The following LAMA3 variants were observed in gnomAD, a reference collection of about 807,000 sequenced individuals.
The protein encoded by LAMA3 is laminin subunit alpha-3.
A neutral mutation model predicts 402.0 loss-of-function variants in LAMA3; 281 were observed. The ratio of observed to expected loss-of-function variants is 0.70; its 90% confidence interval spans 0.63 to 0.77. The LOEUF (loss-of-function observed/expected upper bound fraction) is 0.77. Ranked by LOEUF, LAMA3 falls within the 30% of genes least tolerant of loss-of-function variation. The pLI is 0.00. For synonymous variants in LAMA3, 1,431 were observed against 1,558.4 expected (o/e 0.92, Z 1.93); for missense variants, 3,840 against 4,215.5 (o/e 0.91, Z 2.47).
At chr18:23,719,901 A>T (rs1363353558) in intron 2 of LAMA3, among the ~76,000 whole-genome samples, 3 of 152,182 alleles carry the variant, frequency 2.0e-5, no homozygotes, top group Non-Finnish European at 4.4e-5. Flanking sequence ...CCAATCCAGA[A>T]GGTGGATGGC....
intron 70 of LAMA3, among the ~76,000 whole-genome samples, chr18:23,948,644 A>G (rs1006113983): frequency 1.7e-4 from 25 of 150,646 alleles, no homozygotes; most frequent in East Asian, 5.8e-4. Flanking sequence ...ATCTCGGCTC[A>G]CTGCAACCTC....
chr18:23,842,795 G>T (rs1234982183), intron 29 of LAMA3, 45 bp downstream of exon 29: 1 of 1,612,834 alleles, frequency 6.2e-7, no homozygotes, highest in Non-Finnish European at 8.5e-7. Context: ...ATGCCTGCCT[G>T]GCTGGCCATT....
chr18:23,848,528 C>T (rs1027596955), intron 32 of LAMA3, among the ~76,000 whole-genome samples: 1 of 152,128 alleles, frequency 6.6e-6, no homozygotes, highest in Non-Finnish European at 1.5e-5. Flanking sequence ...AGAGGCCAGG[C>T]CAGGATGGCA....
intron 35 of LAMA3, among the ~76,000 whole-genome samples, chr18:23,863,488 T>G (rs2064276686): frequency 6.6e-6 from 1 of 152,112 alleles, no homozygotes; most frequent in Non-Finnish European, 1.5e-5. Flanking sequence ...AAGCCCCACC[T>G]CTTGAAGGCA....
At chr18:23,953,203 G>A in intron 74 of LAMA3, 94 bp downstream of exon 74, 1 of 1,523,460 alleles carries the variant, frequency 6.6e-7, no homozygotes, top group East Asian at 2.3e-5. Flanking sequence ...TGGCTGGACA[G>A]TGGAGATGGT....
At chr18:23,947,303 A>AC in intron 70 of LAMA3, among the ~76,000 whole-genome samples, 1 of 151,652 alleles carries the variant, frequency 6.6e-6, no homozygotes, top group South Asian at 2.1e-4. Context: ...CTTTCCCCCC[A>AC]CCCCACAAAG....
Position 23,836,106 on chromosome 18 carries a change from TACACACAC to T in LAMA3, c.2985-846_2985-839del, listed in dbSNP as rs10569981. On this transcript the variant is annotated intron_variant, in intron 24 of 74. Transcript: ENST00000313654. Reference sequence around the variant, plus strand: ...ATCCAAAAGAATGTGTTTTAATGGATACACACACACACACACACACACACACACACACA... The same window carrying T: ...ATCCAAAAGAATGTGTTTTAATGGATACACACACACACACACACACACACA... Among the ~76,000 whole-genome samples, 929 of 147,816 alleles carry T rather than the reference TACACACAC, an allele frequency of 6.3e-3. 5 individuals carry two copies. The highest frequency in any genetic ancestry group is 0.018 in the African/African-American group (723 of 39,952).
At chr18:23,904,763 GTGGGC>G in intron 51 of LAMA3, 69 bp downstream of exon 51, 1 of 1,491,614 alleles carries the variant, frequency 6.7e-7, no homozygotes, top group East Asian at 2.3e-5. Context: ...TTTTCTTTCC[GTGGGC>G]TCCAAGGAAT....
chr18:23,858,166 C>A (rs2064129414), intron 33 of LAMA3, among the ~76,000 whole-genome samples, 178 bp downstream of exon 33: 1 of 152,144 alleles, frequency 6.6e-6, no homozygotes, highest in Admixed American at 6.5e-5. Context: ...AGGTGAGACC[C>A]CTTTTATCTT....
Position 23,710,037 on chromosome 18 carries a change from G to T in LAMA3, c.295-3883G>T. 3 of 771,792 alleles carry T rather than the reference G, an allele frequency of 3.9e-6. No homozygotes were observed. In the South Asian group the frequency reaches 4.0e-5, roughly 10 times the overall value. The allele number at this position is 771,792 out of a possible 1,614,324, so 47.8% of individuals were successfully genotyped here. A position where few individuals can be genotyped will look rare whatever the true frequency, so the allele number is the denominator to read the frequency against. ...GCTGTCTTCTATCTTCTTCATGGCGGACTCAGTGGTCAGCAGAAACTTGAT... is the reference window on the plus strand; with the variant it reads ...GCTGTCTTCTATCTTCTTCATGGCGTACTCAGTGGTCAGCAGAAACTTGAT... On this transcript the variant is annotated intron_variant, in intron 1 of 74. Transcript: ENST00000313654.
chr18:23,723,183 C>T (rs992688389), intron 2 of LAMA3, among the ~76,000 whole-genome samples: 1 of 152,054 alleles, frequency 6.6e-6, no homozygotes, highest in East Asian at 1.9e-4. Context: ...TGTTACTTCC[C>T]AGAATATTTG....
intron 48 of LAMA3, among the ~76,000 whole-genome samples, chr18:23,901,740 A>C (rs927874760): frequency 6.6e-6 from 1 of 152,264 alleles, no homozygotes; most frequent in Non-Finnish European, 1.5e-5. Flanking sequence ...ATTTTAAGCC[A>C]TAATCTGCTT....
intron 64 of LAMA3, among the ~76,000 whole-genome samples, chr18:23,929,123 C>G (rs1447390748): frequency 6.6e-6 from 1 of 152,174 alleles, no homozygotes; most frequent in African/African-American, 2.4e-5. Context: ...GAGTGTGTCC[C>G]TATGATTTCT....
Position 23,894,352 on chromosome 18 carries a change from A to G in LAMA3, c.5461+4A>G, listed in dbSNP as rs372797366. 1 of 1,612,122 alleles carries G rather than the reference A, an allele frequency of 6.2e-7. No individual in the cohort carries two copies. Among genetic ancestry groups the G allele is most frequent in the African/African-American group, 1.3e-5 (1 of 74,878 alleles). On this transcript the variant is annotated splice_donor_region_variant and intron_variant, in intron 43 of 74. Transcript: ENST00000313654. ...AGCCCTGCAGAAGAATGTGATGGTGAGAAAAGAAAGCCCCTCCTCCTCCTT... is the reference window on the plus strand; with the variant it reads ...AGCCCTGCAGAAGAATGTGATGGTGGGAAAAGAAAGCCCCTCCTCCTCCTT...
At chr18:23,941,284 C>T (rs953010957) in intron 68 of LAMA3, among the ~76,000 whole-genome samples, 2 of 150,110 alleles carry the variant, frequency 1.3e-5, no homozygotes, top group African/African-American at 4.9e-5. Context: ...CCCCAGCCTC[C>T]CGCCTCTGGC....
chr18:23,742,307 G>A (rs1051164062), intron 2 of LAMA3, among the ~76,000 whole-genome samples: 27 of 152,278 alleles, frequency 1.8e-4, no homozygotes, highest in Middle Eastern at 3.4e-3. Context: ...AACATGTTGG[G>A]GGACTGCTGT....
chr18:23,861,660 G>A lies in LAMA3; in HGVS notation c.4437G>A (p.Leu1479=), dbSNP rs775647508. 1.2e-6 allele frequency: 2 copies of A among 1,614,166 alleles called. No individual in the cohort carries two copies. Among genetic ancestry groups the A allele is most frequent in the East Asian group, 4.5e-5 (2 of 44,886 alleles). The part of the protein sequence containing the change: ...HKRRTKFVDM[L]GWHLETADRV... ...CCTCTTTCCAGTTTGTGGATATGCT[G>A]GGCTGGCACCTGGAGACAGCAGACA... Residue 1479 remains leucine (L), a synonymous_variant, in exon 35 of 75, where the codon CTG becomes CTA. Transcript: ENST00000313654.
At chr18:23,813,190 A>T (rs1275253908) in intron 14 of LAMA3, 87 bp downstream of exon 14, 1 of 906,070 alleles carries the variant, frequency 1.1e-6, no homozygotes, top group East Asian at 2.4e-5. Flanking sequence ...CACTTCCAGA[A>T]ATTAAAATAA....
chr18:23,815,365 G>A (rs1170919361), intron 16 of LAMA3, 103 bp from the exon 17 acceptor site: 1 of 1,350,476 alleles, frequency 7.4e-7, no homozygotes, highest in African/African-American at 1.4e-5. Context: ...TCCAGATCCT[G>A]GCTACACTGC....
Sources: allele counts gnomAD v4.1 joint callset (sites outside exome capture counted in the v4.1 genomes callset), GRCh38; gene constraint gnomAD v4.1.1; transcripts MANE v1.5; gene names NCBI Gene and HGNC (gene_info 2026-07-23, HGNC 2026-07-21).